Variants in RPGRIP1 observed in about 807,000 individuals in gnomAD.
RPGRIP1 encodes the protein RPGR interacting protein 1, also known as X-linked retinitis pigmentosa GTPase regulator-interacting protein 1.
In RPGRIP1, 128 loss-of-function variants were observed where a neutral mutation model predicts 157.9. The observed-to-expected ratio is 0.81, with a 90% CI of 0.70 to 0.94. The LOEUF (loss-of-function observed/expected upper bound fraction) is 0.94, where lower values mean the gene tolerates loss of function less well. RPGRIP1 is among the 40% of genes least tolerant of loss of function. RPGRIP1 has a pLI of 0.00. For missense variants in RPGRIP1, 1,486 were observed against 1,545.8 expected (o/e 0.96, Z 0.65); for synonymous variants, 554 against 571.6 (o/e 0.97, Z 0.44).
At chr14:21,327,074 C>T (rs1883191444) in intron 17 of RPGRIP1, among the ~76,000 whole-genome samples, 1 of 151,948 alleles carries the variant, frequency 6.6e-6, no homozygotes, top group African/African-American at 2.4e-5. Context: ...TCTGGATGCT[C>T]CAGGACATGT....
chr14:21,288,739 C>T (rs1443132873), intron 2 of RPGRIP1, among the ~76,000 whole-genome samples: 1 of 151,970 alleles, frequency 6.6e-6, no homozygotes, highest in Non-Finnish European at 1.5e-5. Flanking sequence ...ATCTCGAACT[C>T]CTGACCTCAA....
intron 14 of RPGRIP1, among the ~76,000 whole-genome samples, chr14:21,322,623 ATCTC>A (rs879634482): frequency 3.4e-5 from 5 of 148,090 alleles, no homozygotes; most frequent in African/African-American, 5.0e-5. Context: ...GTAACACACA[ATCTC>A]TCTCTCTCTC....
At chr14:21,302,813 T>A (rs760397708) in intron 5 of RPGRIP1, 8 of 309,014 alleles carry the variant, frequency 2.6e-5, no homozygotes, top group Non-Finnish European at 4.7e-5. Context: ...TTGAAGGTAT[T>A]CCCTCTATTT....
chr14:21,310,690 A>G, intron 8 of RPGRIP1, 83 bp downstream of exon 8: 1 of 752,476 alleles, frequency 1.3e-6, no homozygotes, highest in South Asian at 1.7e-5. Context: ...TCCAAGTAAC[A>G]TAACACCAGA....
chr14:21,342,155 T>A (rs1390957147), intron 21 of RPGRIP1, among the ~76,000 whole-genome samples: 1 of 152,090 alleles, frequency 6.6e-6, no homozygotes, highest in Non-Finnish European at 1.5e-5. Flanking sequence ...GGCAGCTCTT[T>A]GCTATAGTGG....
At position 21,321,328 on chromosome 14, in the gene RPGRIP1, G is replaced by A. The variant is rs763392584; in HGVS notation, c.1537G>A (p.Ala513Thr). 9.9e-6 allele frequency: 16 copies of A among 1,613,764 alleles called. No individual in the cohort carries two copies. Among genetic ancestry groups the A allele is most frequent in the East Asian group, 6.7e-5 (3 of 44,898 alleles). ...QVLNELQVSHAETTLELEKTR... is the reference protein window; with the variant it reads ...QVLNELQVSHTETTLELEKTR... The stretch of plus-strand genomic sequence containing the variant: ...GCTAAATGAGTTGCAAGTATCACAC[G>A]CAGAGACCACATTGGAACTAGAAAA... The change falls in exon 13 of 25, where the codon GCA (alanine) becomes ACA (threonine). Residue 513 changes from alanine to threonine, a missense_variant. Coordinates refer to ENST00000400017, the MANE Select transcript of RPGRIP1 (RefSeq NM_020366.4).
At chr14:21,308,693 A>C (rs975694787) in intron 7 of RPGRIP1, among the ~76,000 whole-genome samples, 1 of 152,212 alleles carries the variant, frequency 6.6e-6, no homozygotes, top group African/African-American at 2.4e-5. Flanking sequence ...AGGGAGAAGA[A>C]AGACGGAAGA....
intron 22 of RPGRIP1, among the ~76,000 whole-genome samples, 163 bp downstream of exon 22, chr14:21,343,391 C>T (rs958685407): frequency 6.6e-6 from 1 of 152,178 alleles, no homozygotes; most frequent in African/African-American, 2.4e-5. Flanking sequence ...TCGAATGGGG[C>T]TAAACATTTT....
intron 3 of RPGRIP1, among the ~76,000 whole-genome samples, chr14:21,299,162 T>C (rs1880921323): frequency 6.6e-6 from 1 of 151,992 alleles, no homozygotes; most frequent in African/African-American, 2.4e-5. Context: ...ATTACAGGCA[T>C]GTGCCACCAC....
chr14:21,305,866 C>G (rs1189903549), intron 6 of RPGRIP1, among the ~76,000 whole-genome samples: 2 of 151,730 alleles, frequency 1.3e-5, no homozygotes, highest in African/African-American at 2.4e-5. Flanking sequence ...GTCTCAAAAA[C>G]AAAACAAAAC....
At chr14:21,301,428 C>T (rs1881022704) in intron 4 of RPGRIP1, among the ~76,000 whole-genome samples, 191 bp downstream of exon 4, 1 of 152,000 alleles carries the variant, frequency 6.6e-6, no homozygotes, top group Admixed American at 6.6e-5. Flanking sequence ...CTAAATTCAC[C>T]ATGGAGTGTC....
chr14:21,338,140 T>C (rs1424864134), intron 21 of RPGRIP1, among the ~76,000 whole-genome samples: 1 of 151,916 alleles, frequency 6.6e-6, no homozygotes, highest in Non-Finnish European at 1.5e-5. Flanking sequence ...ATGGTCTCAA[T>C]CTCCTGACCT....
chr14:21,343,245 G>T lies in RPGRIP1; in HGVS notation c.3532+17G>T, dbSNP rs781685488. On this transcript the variant is annotated intron_variant, in intron 22 of 24. Transcript: ENST00000400017. ...TTAGCAAGGGTGAGGCATCCTGTGT[G>T]GTTACTGGGGTGAGGAAGTCTGATG... 4 of 1,594,496 alleles carry T rather than the reference G, an allele frequency of 2.5e-6. No individual in the cohort carries two copies. Among genetic ancestry groups the T allele is most frequent in the Non-Finnish European group, 3.4e-6 (4 of 1,169,244 alleles).
At chr14:21,288,519 CT>C (rs537534315) in intron 2 of RPGRIP1, among the ~76,000 whole-genome samples, 1 of 137,906 alleles carries the variant, frequency 7.3e-6, no homozygotes. Context: ...TTTTTTTTTT[CT>C]TTTTTTTGAG....
rs1203369388 is a variant in RPGRIP1, at chr14:21,321,307, A to G, written c.1516A>G (p.Asn506Asp). The G allele has an allele frequency of 6.2e-7, 1 of 1,613,892 alleles. No individual in the cohort carries two copies. Among genetic ancestry groups the G allele is most frequent in the African/African-American group, 1.3e-5 (1 of 74,948 alleles). The change falls in exon 13 of 25, where the codon AAT (asparagine) becomes GAT (aspartate). Residue 506 changes from asparagine (N) to aspartate (D), a missense_variant. Physicochemically the swap from Asn to Asp is conservative, Grantham distance 23. Coordinates refer to ENST00000400017, the MANE Select transcript of RPGRIP1 (RefSeq NM_020366.4). ...QEEKKLSQVL[N>D]ELQVSHAETT... The stretch of plus-strand genomic sequence containing the variant: ...AGAAAAGAAACTGTCCCAGGTGCTA[A>G]ATGAGTTGCAAGTATCACACGCAGA...
chr14:21,324,825 C>T lies in RPGRIP1; in HGVS notation c.1970C>T (p.Ser657Phe), dbSNP rs564462751. 5 of 1,614,060 alleles carry T rather than the reference C, an allele frequency of 3.1e-6. No homozygotes were observed. The East Asian group carries it at 1.1e-4, about 36-fold the overall frequency. Residue 657 changes from serine (S) to phenylalanine (F), a missense_variant, in exon 15 of 25, where the codon TCC becomes TTC. By Grantham distance (155) the Ser-to-Phe change is radical (BLOSUM62 -2). Transcript: ENST00000400017. ...CAACCTACCACTTTCTGCACCTATT[C>T]CTTCTATGACTTTGAAACCCACTGT... is the stretch of plus-strand genomic sequence containing the variant. ...DTQPTTFCTY[S>F]FYDFETHCTP...
rs1037672840 is a variant in RPGRIP1 at position 21,324,489 on chromosome 14, C to T, written c.1763-129C>T. On this transcript the variant is annotated intron_variant, in intron 14 of 24. Transcript: ENST00000400017. ...TTCTGTTGCTTTTCCTTTTGAATCA[C>T]GTGGTTTCTTGAAATAATCACAACT... 3.2e-5 allele frequency: 25 copies of T among 778,698 alleles called. 1 individual carries two copies. Among genetic ancestry groups the T allele is most frequent in the South Asian group, 4.5e-5 (3 of 66,450 alleles). 48.2% of individuals were successfully genotyped at this position (778,698 alleles called of 1,614,324 possible).
chr14:21,300,686 T>C (rs1045887956), intron 3 of RPGRIP1, among the ~76,000 whole-genome samples: 4 of 150,494 alleles, frequency 2.7e-5, no homozygotes, highest in African/African-American at 9.7e-5. Context: ...ACACAAATAC[T>C]ATTGGGGTAG....
chr14:21,347,875 GC>G (rs1885722189), intron 23 of RPGRIP1, among the ~76,000 whole-genome samples: 2 of 152,072 alleles, frequency 1.3e-5, no homozygotes, highest in South Asian at 4.1e-4. Context: ...ATAGGTGTGT[GC>G]CACCATGCCC....
Sources: allele counts gnomAD v4.1 joint callset (sites outside exome capture counted in the v4.1 genomes callset), GRCh38; gene constraint gnomAD v4.1.1; transcripts MANE v1.5; gene names NCBI Gene and HGNC (gene_info 2026-07-23, HGNC 2026-07-21).